PARD3: variants seen among roughly 807,000 people sequenced by gnomAD.
PARD3 encodes partitioning defective 3 homolog.
PARD3 carries 75 observed loss-of-function variants against 155.4 expected under a neutral mutation model. That is an observed-to-expected ratio of 0.48 (90% CI 0.40 to 0.58). The LOEUF is 0.58. PARD3 is among the 20% of genes least tolerant of loss of function. PARD3 has a pLI of 0.00. For synonymous variants in PARD3, 576 were observed against 610.5 expected, an observed-to-expected ratio of 0.94 and a Z score of 0.83; for missense variants, 1,642 against 1,721.7, an observed-to-expected ratio of 0.95 and a Z score of 0.82.
At chr10:34,242,624 T>C (rs1172108678) in intron 22 of PARD3, among the ~76,000 whole-genome samples, 6 of 152,142 alleles carry the variant, frequency 3.9e-5, no homozygotes, top group Admixed American at 2.6e-4. Context: ...GAACTACCTC[T>C]CCATGAGAAA....
chr10:34,694,730 T>C (rs2094134254), intron 2 of PARD3, among the ~76,000 whole-genome samples: 1 of 152,134 alleles, frequency 6.6e-6, no homozygotes, highest in Non-Finnish European at 1.5e-5. Context: ...AGGAGCCACA[T>C]GGGACAAATT....
At chr10:34,622,734 T>C (rs933238457) in intron 2 of PARD3, among the ~76,000 whole-genome samples, 2 of 152,196 alleles carry the variant, frequency 1.3e-5, no homozygotes, top group Non-Finnish European at 1.5e-5. Context: ...ATAATTTTGT[T>C]AGGAGAAAAT....
intron 2 of PARD3, among the ~76,000 whole-genome samples, chr10:34,622,819 C>CTTTTT (rs1391152056): frequency 1.0e-4 from 13 of 129,740 alleles, no homozygotes; most frequent in African/African-American, 3.4e-4. Context: ...AGTTGGTTTT[C>CTTTTT]TTTTTTTCTT....
At chr10:34,573,137 G>A (rs1033835667) in intron 2 of PARD3, among the ~76,000 whole-genome samples, 1 of 152,076 alleles carries the variant, frequency 6.6e-6, no homozygotes. Flanking sequence ...AGGATCCCTT[G>A]AGGCCAGGAG....
chr10:34,255,330 C>T (rs947812596), intron 22 of PARD3, among the ~76,000 whole-genome samples: 3 of 152,220 alleles, frequency 2.0e-5, no homozygotes, highest in Admixed American at 6.5e-5. Flanking sequence ...TGGTCCTCTA[C>T]AACCTCAGCA....
chr10:34,171,026 A>G (rs1765023671), intron 22 of PARD3, among the ~76,000 whole-genome samples: 1 of 152,222 alleles, frequency 6.6e-6, no homozygotes, highest in Non-Finnish European at 1.5e-5. Flanking sequence ...AGATGTCTAA[A>G]TAGAAAACAT....
chr10:34,566,780 C>A (rs906208062), intron 2 of PARD3, among the ~76,000 whole-genome samples: 2 of 152,160 alleles, frequency 1.3e-5, no homozygotes, highest in Admixed American at 6.5e-5. Context: ...TTGGCACCAT[C>A]CATTCCCACA....
rs914983511 is a variant in PARD3 at position 34,659,805 on chromosome 10, C to T, written c.222+36513G>A. ...TCTTCCTGTAGTGCAAGTTAGGTAC[C>T]TAGTTAGAACCTGTTTTACTAAGCC... On this transcript the variant is annotated intron_variant, in intron 2 of 24. Coordinates refer to ENST00000374788, the MANE Select transcript of PARD3 (RefSeq NM_001184785.2). Among the ~76,000 whole-genome samples, 3 of 152,124 alleles carry T rather than the reference C, an allele frequency of 2.0e-5. No homozygotes were observed. In the East Asian group the frequency reaches 5.8e-4, roughly 29 times the overall value.
At position 34,284,161 on chromosome 10, in the gene PARD3, C is replaced by T. The variant is rs142616877; in HGVS notation, c.3150G>A (p.Arg1050=). ...IQESFTSEEE[R]IRMKQEQERI... is the part of the protein sequence containing the mutation. Reference sequence around the variant, plus strand: ...TCTCCTGCTCCTGCTTCATTCGTATCCTCTCCTCTTCTGATGTAAAGGATT... The same window carrying T: ...TCTCCTGCTCCTGCTTCATTCGTATTCTCTCCTCTTCTGATGTAAAGGATT... The change falls in exon 21 of 25, where the codon AGG becomes AGA. Residue 1050 remains arginine (R), a synonymous_variant. Transcript: ENST00000374788. 1 of 1,602,168 alleles carries T rather than the reference C, an allele frequency of 6.2e-7. No individual in the cohort carries two copies. Among genetic ancestry groups the T allele is most frequent in the Non-Finnish European group, 8.5e-7 (1 of 1,173,088 alleles).
intron 20 of PARD3, among the ~76,000 whole-genome samples, chr10:34,314,974 A>G (rs1957922246): frequency 6.6e-6 from 1 of 152,324 alleles, no homozygotes; most frequent in Non-Finnish European, 1.5e-5. Context: ...TACCTAAAAA[A>G]GTATGAATGT....
chr10:34,796,614 G>C (rs1442650865), intron 1 of PARD3, among the ~76,000 whole-genome samples: 1 of 152,192 alleles, frequency 6.6e-6, no homozygotes, highest in Non-Finnish European at 1.5e-5. Flanking sequence ...TCCCATAGTT[G>C]CAGTAGATTT....
At chr10:34,507,548 C>CAAAAAAAAAAAACAAAAAAAAAA (rs772632460) in intron 3 of PARD3, among the ~76,000 whole-genome samples, 1 of 42,998 alleles carries the variant, frequency 2.3e-5, no homozygotes, top group African/African-American at 1.1e-4. Flanking sequence ...ATTAAAAAAA[C>CAAAAAAAAAAAACAAAAAAAAAA]AAAAAAAAAA....
At chr10:34,442,144 G>A (rs986034988) in intron 5 of PARD3, among the ~76,000 whole-genome samples, 12 of 152,170 alleles carry the variant, frequency 7.9e-5, no homozygotes, top group African/African-American at 2.6e-4. Flanking sequence ...TTAGAATTTG[G>A]AGGCAAAGGG....
chr10:34,655,763 G>T (rs1378367176), intron 2 of PARD3, among the ~76,000 whole-genome samples: 1 of 152,074 alleles, frequency 6.6e-6, no homozygotes, highest in Non-Finnish European at 1.5e-5. Flanking sequence ...AGACACAAGG[G>T]GGAGCCAATG....
chr10:34,411,777 T>C lies in PARD3; in HGVS notation c.715-9860A>G, dbSNP rs545597881. 1.4e-4 allele frequency among the ~76,000 whole-genome samples: 20 copies of C among 143,444 alleles called. No homozygotes were observed. The South Asian group carries it at 2.7e-3, about 19-fold the overall frequency. The allele number at this position is 143,444 out of a possible 152,430, so 94.1% of individuals were successfully genotyped here. On this transcript the variant is annotated intron_variant, in intron 5 of 24. Transcript: ENST00000374788. The stretch of plus-strand genomic sequence containing the variant: ...ATAGATAGATAGATAGATAGATAGA[T>C]AGACAGAATCTCCATTCTACCAGTT...
intron 2 of PARD3, among the ~76,000 whole-genome samples, chr10:34,687,275 C>T (rs2093967323): frequency 1.3e-5 from 2 of 151,994 alleles, no homozygotes; most frequent in South Asian, 4.1e-4. Context: ...AGACTATACC[C>T]AGGGCAAGGG....
chr10:34,587,427 T>TATG (rs1390899193), intron 2 of PARD3, among the ~76,000 whole-genome samples: 1 of 152,128 alleles, frequency 6.6e-6, no homozygotes, highest in South Asian at 2.1e-4. Context: ...AATCTTGTAT[T>TATG]ATGATGATGA....
chr10:34,739,983 T>A (rs1284640248), intron 1 of PARD3, among the ~76,000 whole-genome samples: 4 of 152,078 alleles, frequency 2.6e-5, no homozygotes, highest in African/African-American at 9.7e-5. Flanking sequence ...TTCACCCTCC[T>A]ACACACTGAC....
intron 12 of PARD3, among the ~76,000 whole-genome samples, chr10:34,365,746 C>T (rs1299671071): frequency 3.3e-5 from 5 of 152,264 alleles, no homozygotes; most frequent in African/African-American, 9.6e-5. Flanking sequence ...AGCCACTACA[C>T]CTGGCTAATT....
Sources: gnomAD v4.1 joint callset for allele counts (sites outside exome capture counted in the v4.1 genomes callset) on GRCh38, gnomAD v4.1.1 for gene constraint, MANE v1.5 for transcripts, NCBI Gene and HGNC (gene_info 2026-07-23, HGNC 2026-07-21) for gene names.